The following SIN3B variants were observed in gnomAD, a reference collection of about 807,000 sequenced individuals.
SIN3B encodes paired amphipathic helix protein Sin3b.
A neutral mutation model predicts 120.2 loss-of-function variants in SIN3B; 19 were observed. The observed-to-expected ratio is 0.16, with a 90% confidence interval of 0.11 to 0.23. The LOEUF (loss-of-function observed/expected upper bound fraction) is 0.23. Ranked by LOEUF, SIN3B falls within the 10% of genes least tolerant of loss-of-function variation. SIN3B has a pLI of 1.00. For missense variants in SIN3B, 1,073 were observed against 1,573.0 expected (o/e 0.68, Z 5.38); for synonymous variants, 654 against 653.2 (o/e 1.00, Z -0.02).
chr19:16,869,335 C>T (rs1217666834), intron 12 of SIN3B, 125 bp from the exon 13 acceptor site: 16 of 1,283,382 alleles, frequency 1.2e-5, no homozygotes, highest in Non-Finnish European at 1.7e-5. Context: ...TGTTCGCCAC[C>T]CATCCTGCTC....
At chr19:16,852,423 T>A (rs1971557565) in intron 6 of SIN3B, among the ~76,000 whole-genome samples, 1 of 152,176 alleles carries the variant, frequency 6.6e-6, no homozygotes, top group Admixed American at 6.5e-5. Context: ...CCACCACACC[T>A]TTTTGTAGAG....
chr19:16,868,273 T>C (rs1425077369), intron 12 of SIN3B, among the ~76,000 whole-genome samples: 2 of 152,120 alleles, frequency 1.3e-5, no homozygotes, highest in East Asian at 3.9e-4. Context: ...CAGGTCAGTG[T>C]GCTTGGCCCT....
Position 16,860,661 on chromosome 19 carries a change from C to T in SIN3B, c.1059-1691C>T, listed in dbSNP as rs549635298. On this transcript the variant is annotated intron_variant, in intron 8 of 18. Transcript: ENST00000248054. ...TGTCGCCCAGGCTGGAGTGCAGTGG[C>T]GTGATCTCGGCTCACTGCAACCTCT... Among the ~76,000 whole-genome samples the T allele has an allele frequency of 2.6e-3, 375 of 142,554 alleles. 1 individual carries two copies. Among genetic ancestry groups the T allele is most frequent in the Non-Finnish European group, 4.5e-3 (304 of 66,904 alleles). 93.5% of individuals were successfully genotyped at this position (142,554 alleles called of 152,430 possible). A position where few individuals can be genotyped will look rare whatever the true frequency, so the allele number is the denominator to read the frequency against.
Position 16,870,028 on chromosome 19 carries a change from G to A in SIN3B, c.2375G>A (p.Arg792Lys). Residue 792 changes from arginine (R) to lysine (K), a missense_variant, in exon 13 of 19, where the codon AGG becomes AAG. Arg to Lys is a conservative substitution (Grantham distance 26). Coordinates refer to ENST00000248054, the MANE Select transcript of SIN3B (RefSeq NM_001297595.2). Reference protein sequence around the residue: ...EREKLLCEGRREKGSDPAMEL... With the variant: ...EREKLLCEGRKEKGSDPAMEL... ...GAGAAGCTGCTGTGTGAGGGCCGCA[G>A]GGAGAAGGGCAGCGACCCCGCCATG... 3 of 1,611,656 alleles carry A rather than the reference G, an allele frequency of 1.9e-6. No individual in the cohort carries two copies. The East Asian group carries it at 6.7e-5, about 36-fold the overall frequency.
intron 8 of SIN3B, among the ~76,000 whole-genome samples, chr19:16,858,128 C>T (rs1199748211): frequency 6.6e-6 from 1 of 152,180 alleles, no homozygotes; most frequent in East Asian, 1.9e-4. Context: ...CCGCCTGCCT[C>T]AGCCTCTCAA....
chr19:16,873,533 C>T (rs2051540771), intron 14 of SIN3B, among the ~76,000 whole-genome samples: 1 of 150,890 alleles, frequency 6.6e-6, no homozygotes, highest in Non-Finnish European at 1.5e-5. Context: ...CCCCCCCCCC[C>T]CAGGCTGGGC....
At chr19:16,848,329 CTG>C (rs1230207102) in intron 5 of SIN3B, among the ~76,000 whole-genome samples, 1 of 151,188 alleles carries the variant, frequency 6.6e-6, no homozygotes, top group Non-Finnish European at 1.5e-5. Context: ...AGCCTCTAAA[CTG>C]TTTTCTACAG....
In SIN3B at chr19:16,879,062, A is replaced by C; in HGVS notation, c.*335A>C. The C allele has an allele frequency of 2.8e-6, 1 of 363,334 alleles. No individual in the cohort carries two copies. The allele number at this position is 363,334 out of a possible 1,614,324, so 22.5% of individuals were successfully genotyped here. On this transcript the variant is annotated 3_prime_UTR_variant, in exon 19 of 19. Coordinates refer to ENST00000248054, the MANE Select transcript of SIN3B (RefSeq NM_001297595.2). ...GGCAGGCAGATGGCTCCTGCCCCAT[A>C]TTCTTGCCGTGTCTTGGAAAAGTCA...
chr19:16,858,581 GC>G (rs1971646729), intron 8 of SIN3B, among the ~76,000 whole-genome samples: 2 of 152,114 alleles, frequency 1.3e-5, no homozygotes, highest in South Asian at 4.1e-4. Context: ...AAGGTGAGGG[GC>G]CAGGCGTGGT....
chr19:16,849,970 A>AG lies in SIN3B; in HGVS notation c.727-1442_727-1441insG, dbSNP rs1287004247. 2.0e-5 allele frequency among the ~76,000 whole-genome samples: 3 copies of AG among 152,058 alleles called. No individual in the cohort carries two copies. The East Asian group carries it at 5.8e-4, about 29-fold the overall frequency. Reference sequence around the variant, plus strand: ...GACCTCCGTCTCAAAAAAAAAAAAAAAAAGATGTACCAGTGGAGAATTGTG... The same window carrying AG: ...GACCTCCGTCTCAAAAAAAAAAAAAAGAAAGATGTACCAGTGGAGAATTGTG... On this transcript the variant is annotated intron_variant, in intron 5 of 18. Coordinates refer to ENST00000248054, the MANE Select transcript of SIN3B (RefSeq NM_001297595.2).
intron 5 of SIN3B, among the ~76,000 whole-genome samples, chr19:16,849,820 G>T (rs567369679): frequency 1.3e-5 from 2 of 152,252 alleles, no homozygotes; most frequent in Middle Eastern, 3.4e-3. Context: ...GCCAAGCGTG[G>T]TGGCTCGTGC....
chr19:16,866,479 G>A lies in SIN3B; in HGVS notation c.1729G>A (p.Val577Met). Reference sequence around the variant, plus strand: ...CCTCAAGTCCCTTGACCACCAGGCTGTGAACTTCAAGCAGAACGACACCAA... The same window carrying A: ...CCTCAAGTCCCTTGACCACCAGGCTATGAACTTCAAGCAGAACGACACCAA... ...AYLKSLDHQA[V>M]NFKQNDTKAL... is the part of the protein sequence containing the mutation. The change falls in exon 12 of 19, where the codon GTG becomes ATG. Residue 577 changes from valine (V) to methionine (M), a missense_variant. Around this residue, in one of 7 missense-constraint regions of SIN3B, gnomAD observed 118 missense variants for 281.6 expected, o/e 0.42. Coordinates refer to ENST00000248054, the MANE Select transcript of SIN3B (RefSeq NM_001297595.2). The A allele has an allele frequency of 6.2e-7, 1 of 1,614,010 alleles. No individual in the cohort carries two copies.
rs1424154797 is a variant in SIN3B at position 16,841,913 on chromosome 19, T to A, written c.527T>A (p.Phe176Tyr). 1.2e-6 allele frequency: 2 copies of A among 1,614,132 alleles called. No individual in the cohort carries two copies. The highest frequency in any genetic ancestry group is 2.2e-5 in the South Asian group (2 of 91,084). ...TATGTGAATAAGATTAAAACCCGCT[T>A]CCTAGACCACCCAGAAATCTACAGG... ...ISYVNKIKTR[F>Y]LDHPEIYRSF... Residue 176 changes from phenylalanine (F) to tyrosine (Y), a missense_variant, in exon 4 of 19, where the codon TTC (phenylalanine) becomes TAC (tyrosine). Phe to Tyr is a conservative substitution (Grantham distance 22). Transcript: ENST00000248054.
intron 6 of SIN3B, 112 bp downstream of exon 6, chr19:16,851,646 G>C (rs948300854): frequency 1.8e-5 from 25 of 1,359,720 alleles, no homozygotes; most frequent in Non-Finnish European, 2.4e-5. Context: ...GGGCTGGACC[G>C]GGGGCTGTGT....
intron 17 of SIN3B, 80 bp downstream of exon 17, chr19:16,877,719 AC>A: frequency 1.0e-6 from 1 of 979,112 alleles, no homozygotes; most frequent in Non-Finnish European, 1.6e-6. Flanking sequence ...CGGGGGCTGG[AC>A]CATGGCACAC....
At chr19:16,877,290 C>T in intron 16 of SIN3B, 3 of 506,532 alleles carry the variant, frequency 5.9e-6, no homozygotes, top group Non-Finnish European at 7.1e-6. Context: ...TCCTGCTCTT[C>T]CAGCTTCCGG....
intron 3 of SIN3B, among the ~76,000 whole-genome samples, chr19:16,841,523 G>T (rs537816316): frequency 6.6e-6 from 1 of 152,150 alleles, no homozygotes; most frequent in African/African-American, 2.4e-5. Context: ...CAAGGTGCTC[G>T]TTGAACTTGT....
chr19:16,870,330 C>T (rs1299012395), intron 13 of SIN3B, among the ~76,000 whole-genome samples: 1 of 152,108 alleles, frequency 6.6e-6, no homozygotes, highest in Non-Finnish European at 1.5e-5. Context: ...ACATTTGTTT[C>T]TCATGGGCTT....
chr19:16,832,794 G>A (rs1379264112), intron 3 of SIN3B, among the ~76,000 whole-genome samples: 1 of 152,112 alleles, frequency 6.6e-6, no homozygotes, highest in South Asian at 2.1e-4. Context: ...GTGAGCCACT[G>A]TGCCTGGCTC....
Sources: gnomAD v4.1 joint callset for allele counts (sites outside exome capture counted in the v4.1 genomes callset) on GRCh38, gnomAD v4.1.1 for gene constraint, gnomAD v4.1.1 regional missense constraint, MANE v1.5 for transcripts, NCBI Gene and HGNC (gene_info 2026-07-23, HGNC 2026-07-21) for gene names.